The following VPS45 variants were observed in gnomAD, a reference collection of about 807,000 sequenced individuals.
The protein encoded by VPS45 is vacuolar protein sorting 45 homolog.
A neutral mutation model predicts 75.9 loss-of-function variants in VPS45; 35 were observed. The ratio of observed to expected loss-of-function variants is 0.46; its 90% CI spans 0.35 to 0.61. The LOEUF is 0.61. Among genes scored for constraint, VPS45 ranks in the 20% least tolerant of loss-of-function variants. The pLI, the probability that VPS45 is intolerant of heterozygous loss-of-function variation, is 0.00. For missense variants in VPS45, 559 were observed against 685.9 expected (o/e 0.81, Z 2.07); for synonymous variants, 220 against 238.2 (o/e 0.92, Z 0.70).
chr1:150,086,971 C>CA (rs1553800822), intron 10 of VPS45, among the ~76,000 whole-genome samples: 5,267 of 149,006 alleles, frequency 0.035, 271 homozygotes, highest in African/African-American at 0.12. Context: ...TAAACTAAAA[C>CA]AAAAAAAAAG....
chr1:150,087,412 T>TAA (rs1656074470), intron 10 of VPS45, among the ~76,000 whole-genome samples: 1 of 152,234 alleles, frequency 6.6e-6, no homozygotes, highest in African/African-American at 2.4e-5. Context: ...ACAAGGCTGA[T>TAA]GGAAAATTTA....
intron 3 of VPS45, among the ~76,000 whole-genome samples, chr1:150,074,233 G>A (rs1553797627): frequency 6.6e-6 from 1 of 151,834 alleles, no homozygotes; most frequent in Non-Finnish European, 1.5e-5. Context: ...TGGTTGTCCA[G>A]ACTGGTCTCA....
At chr1:150,123,866 G>T (rs1218046090) in intron 14 of VPS45, among the ~76,000 whole-genome samples, 3 of 152,112 alleles carry the variant, frequency 2.0e-5, no homozygotes, top group Non-Finnish European at 2.9e-5. Flanking sequence ...ACTTTATTTA[G>T]TCTCCAGTTC....
intron 3 of VPS45, among the ~76,000 whole-genome samples, chr1:150,073,724 G>A (rs1215796597): frequency 1.3e-5 from 2 of 151,554 alleles, no homozygotes; most frequent in Non-Finnish European, 2.9e-5. Context: ...CTTACATGAT[G>A]ATAGTACAAT....
At chr1:150,088,349 T>G (rs1376771620) in intron 10 of VPS45, among the ~76,000 whole-genome samples, 1 of 151,692 alleles carries the variant, frequency 6.6e-6, no homozygotes, top group African/African-American at 2.4e-5. Flanking sequence ...CTGTGTCTGA[T>G]TTATTTCACT....
intron 13 of VPS45, among the ~76,000 whole-genome samples, chr1:150,098,475 A>G (rs1553803520): frequency 1.3e-5 from 2 of 152,226 alleles, no homozygotes; most frequent in Non-Finnish European, 2.9e-5. Context: ...TTTGAAGTTC[A>G]TAAACAACCC....
intron 13 of VPS45, among the ~76,000 whole-genome samples, chr1:150,102,235 C>CAA (rs1208831311): frequency 0.14 from 12,779 of 93,994 alleles, 1,142 homozygotes; most frequent in Non-Finnish European, 0.16. Flanking sequence ...GAGACTCCGT[C>CAA]AAAAAAAAAA....
At chr1:150,143,616 G>C (rs1659524967) in intron 14 of VPS45, among the ~76,000 whole-genome samples, 1 of 151,396 alleles carries the variant, frequency 6.6e-6, no homozygotes, top group Admixed American at 6.6e-5. Flanking sequence ...TTTCAGCAGA[G>C]AAAGAATAGT....
At chr1:150,092,150 C>T in intron 11 of VPS45, 55 bp downstream of exon 11, 1 of 1,567,304 alleles carries the variant, frequency 6.4e-7, no homozygotes, top group Non-Finnish European at 8.7e-7. Context: ...TTATTATATT[C>T]TTAGCTCTAA....
intron 3 of VPS45, among the ~76,000 whole-genome samples, chr1:150,075,333 C>T (rs1655316342): frequency 6.6e-6 from 1 of 151,972 alleles, no homozygotes; most frequent in Admixed American, 6.6e-5. Flanking sequence ...ATTGCATCCC[C>T]AGGGGGTAGT....
chr1:150,143,725 A>T (rs1553815935), intron 14 of VPS45, among the ~76,000 whole-genome samples: 1 of 152,180 alleles, frequency 6.6e-6, no homozygotes, highest in East Asian at 1.9e-4. Flanking sequence ...TAGAGGCTGC[A>T]CTCTGAGAGA....
Position 150,144,710 on chromosome 1 carries a change from T to C in VPS45, c.1627T>C (p.Phe543Leu). The change falls in exon 15 of 15, where the codon TTC becomes CTC. Residue 543 changes from phenylalanine to leucine, a missense_variant and splice_region_variant. Physicochemically the swap from Phe to Leu is conservative, Grantham distance 22. Transcript: ENST00000644510. ...AAGTAACCTCAAACTACTTATCAGT[T>C]TCCTAGAGGAAGTTCTGGCTTCTGG... ...GGTTVHNTKS[F>L]LEEVLASGLH... 6.2e-7 allele frequency: 1 copy of C among 1,610,880 alleles called. No individual in the cohort carries two copies. The highest frequency in any genetic ancestry group is 8.5e-7 in the Non-Finnish European group (1 of 1,178,182).
intron 3 of VPS45, among the ~76,000 whole-genome samples, chr1:150,074,621 T>C (rs1655265409): frequency 6.6e-6 from 1 of 152,140 alleles, no homozygotes; most frequent in African/African-American, 2.4e-5. Context: ...GGTAATTCCA[T>C]GTGTGATCTG....
intron 2 of VPS45, among the ~76,000 whole-genome samples, chr1:150,070,114 A>C (rs1654968940): frequency 6.6e-6 from 1 of 151,990 alleles, no homozygotes; most frequent in Non-Finnish European, 1.5e-5. Context: ...GTAACCCTTC[A>C]CTGTTTTTGC....
At chr1:150,139,036 C>T (rs782336127) in intron 14 of VPS45, among the ~76,000 whole-genome samples, 5 of 152,098 alleles carry the variant, frequency 3.3e-5, no homozygotes, top group African/African-American at 4.8e-5. Flanking sequence ...TGCTCTGGTC[C>T]ATGCCACCGT....
intron 1 of VPS45, 123 bp from the exon 2 acceptor site, chr1:150,068,507 G>A: frequency 1.1e-6 from 1 of 896,386 alleles, no homozygotes; most frequent in Non-Finnish European, 1.5e-6. Context: ...TTCAGTAAAT[G>A]TTTTCCGTAT....
intron 7 of VPS45, among the ~76,000 whole-genome samples, chr1:150,079,953 C>G (rs1655607544): frequency 6.6e-6 from 1 of 152,170 alleles, no homozygotes; most frequent in Non-Finnish European, 1.5e-5. Flanking sequence ...ATTTATCCCA[C>G]AGATTTCACT....
chr1:150,069,809 T>G (rs11205324), intron 2 of VPS45, among the ~76,000 whole-genome samples: 9,479 of 152,168 alleles, frequency 0.062, 1,003 homozygotes, highest in African/African-American at 0.21. Flanking sequence ...CATTTTATCA[T>G]GCTTGTGCAT....
At chr1:150,112,962 A>AC in intron 14 of VPS45, among the ~76,000 whole-genome samples, 1 of 152,010 alleles carries the variant, frequency 6.6e-6, no homozygotes, top group East Asian at 1.9e-4. Flanking sequence ...AGGAACACCC[A>AC]CCCCACCCCA....
Sources: allele counts gnomAD v4.1 joint callset (sites outside exome capture counted in the v4.1 genomes callset), GRCh38; gene constraint gnomAD v4.1.1; transcripts MANE v1.5; gene names NCBI Gene and HGNC (gene_info 2026-07-23, HGNC 2026-07-21).